FILIP1: variants seen among roughly 807,000 people sequenced by gnomAD.
The protein encoded by FILIP1 is filamin A interacting protein 1.
In FILIP1, 61 loss-of-function variants were observed where a neutral mutation model predicts 102.1. The ratio of observed to expected loss-of-function variants is 0.60; its 90% CI spans 0.49 to 0.74. The LOEUF is 0.74. Ranked by LOEUF, FILIP1 falls within the 30% of genes least tolerant of loss-of-function variation. FILIP1 has a pLI of 0.00. For synonymous variants in FILIP1, 491 were observed against 526.9 expected, an observed-to-expected ratio of 0.93 and a Z score of 0.93; for missense variants, 1,314 against 1,441.2, an observed-to-expected ratio of 0.91 and a Z score of 1.43.
intron 1 of FILIP1, among the ~76,000 whole-genome samples, chr6:75,449,763 T>C (rs1036996618): frequency 2.0e-5 from 3 of 152,140 alleles, no homozygotes; most frequent in African/African-American, 4.8e-5. Context: ...CCAGCTTAAC[T>C]ATCTTAAAGT....
At chr6:75,315,525 T>C (rs1164531751) in intron 4 of FILIP1, among the ~76,000 whole-genome samples, 1 of 152,254 alleles carries the variant, frequency 6.6e-6, no homozygotes, top group East Asian at 1.9e-4. Context: ...TCTTTCTGCA[T>C]ATGTATTATA....
intron 6 of FILIP1, among the ~76,000 whole-genome samples, chr6:75,298,451 TC>T (rs1325140786): frequency 2.6e-5 from 4 of 152,194 alleles, no homozygotes; most frequent in African/African-American, 9.6e-5. Context: ...TCATTTTATT[TC>T]TAGAGATAGT....
intron 1 of FILIP1, among the ~76,000 whole-genome samples, chr6:75,455,848 T>A (rs1452379804): frequency 1.3e-5 from 2 of 152,208 alleles, no homozygotes; most frequent in African/African-American, 2.4e-5. Flanking sequence ...GCTGTGGGCA[T>A]AGGCAGAGTC....
At chr6:75,402,371 A>G (rs577548268) in intron 2 of FILIP1, among the ~76,000 whole-genome samples, 38 of 152,288 alleles carry the variant, frequency 2.5e-4, no homozygotes, top group Admixed American at 9.2e-4. Flanking sequence ...GTTGCCTCCT[A>G]AACTTAGCAA....
intron 1 of FILIP1, among the ~76,000 whole-genome samples, chr6:75,466,615 T>C (rs1188795188): frequency 1.3e-5 from 2 of 152,182 alleles, no homozygotes; most frequent in Non-Finnish European, 2.9e-5. Flanking sequence ...AAATCTGGGA[T>C]TACATTTAAT....
At chr6:75,464,842 T>C (rs1478884136) in intron 1 of FILIP1, among the ~76,000 whole-genome samples, 1 of 152,166 alleles carries the variant, frequency 6.6e-6, no homozygotes, top group Non-Finnish European at 1.5e-5. Context: ...CTGCATCCTT[T>C]TAGTTGCTAG....
At chr6:75,422,724 G>C (rs76258626) in intron 1 of FILIP1, among the ~76,000 whole-genome samples, 1 of 152,278 alleles carries the variant, frequency 6.6e-6, no homozygotes, top group African/African-American at 2.4e-5. Context: ...CCACCTGATA[G>C]ACATTGGTGC....
chr6:75,335,290 T>C (rs1361364031), intron 4 of FILIP1, among the ~76,000 whole-genome samples: 2 of 152,144 alleles, frequency 1.3e-5, no homozygotes, highest in African/African-American at 2.4e-5. Flanking sequence ...ACAAAATATT[T>C]TTACTTGAAT....
chr6:75,383,837 A>T (rs1170421100), intron 2 of FILIP1, among the ~76,000 whole-genome samples: 1 of 152,218 alleles, frequency 6.6e-6, no homozygotes, highest in East Asian at 1.9e-4. Flanking sequence ...GCTCAGTCAC[A>T]TTAACTAATA....
At chr6:75,323,811 T>C (rs1773740030) in intron 4 of FILIP1, among the ~76,000 whole-genome samples, 1 of 151,206 alleles carries the variant, frequency 6.6e-6, no homozygotes, top group Admixed American at 6.6e-5. Flanking sequence ...ATGGACCTGT[T>C]GGTAGGTGAT....
In FILIP1 at chr6:75,377,496, G is replaced by A. The variant is rs185564292; in HGVS notation, c.277-14579C>T. Among the ~76,000 whole-genome samples the A allele has an allele frequency of 1.2e-4, 19 of 152,290 alleles. No individual in the cohort carries two copies. The East Asian group carries it at 3.7e-3, about 29-fold the overall frequency. On this transcript the variant is annotated intron_variant, in intron 2 of 5. Transcript: ENST00000237172. ...ATACGTGATGCTCTGCGATTTGAGT[G>A]AGCATAAAATTTCTAGACCTGCCAT...
intron 4 of FILIP1, among the ~76,000 whole-genome samples, chr6:75,351,269 G>T (rs1774796116): frequency 6.6e-6 from 1 of 152,092 alleles, no homozygotes; most frequent in Non-Finnish European, 1.5e-5. Context: ...CACCATGTTG[G>T]CCAGGCTGCT....
intron 2 of FILIP1, among the ~76,000 whole-genome samples, chr6:75,383,996 G>A (rs1311315630): frequency 6.6e-6 from 1 of 152,100 alleles, no homozygotes; most frequent in African/African-American, 2.4e-5. Context: ...AGAATGGAAA[G>A]GTCAAGGAGA....
At chr6:75,487,016 G>A (rs945568322) in intron 1 of FILIP1, among the ~76,000 whole-genome samples, 1 of 151,962 alleles carries the variant, frequency 6.6e-6, no homozygotes, top group African/African-American at 2.4e-5. Context: ...AGACCAGAAC[G>A]AACAACAGGC....
At chr6:75,385,239 A>G (rs1278419617) in intron 2 of FILIP1, among the ~76,000 whole-genome samples, 1 of 152,174 alleles carries the variant, frequency 6.6e-6, no homozygotes, top group Non-Finnish European at 1.5e-5. Context: ...CCATTATGCT[A>G]AATCACTAGT....
chr6:75,397,543 C>T (rs1286180991), intron 2 of FILIP1, among the ~76,000 whole-genome samples: 2 of 13,134 alleles, frequency 1.5e-4, no homozygotes, highest in Admixed American at 4.2e-4. Flanking sequence ...ATAAGACACA[C>T]ACACACACAC....
intron 2 of FILIP1, among the ~76,000 whole-genome samples, chr6:75,376,201 T>C (rs931810547): frequency 6.6e-6 from 1 of 152,172 alleles, no homozygotes; most frequent in African/African-American, 2.4e-5. Context: ...TGATATAGAC[T>C]CAGAGCTAGT....
chr6:75,345,909 C>A (rs1294069616), intron 4 of FILIP1, among the ~76,000 whole-genome samples: 2 of 152,142 alleles, frequency 1.3e-5, no homozygotes, highest in African/African-American at 4.8e-5. Flanking sequence ...CATTAGGGTT[C>A]TTTCTGGTCC....
chr6:75,479,682 A>G lies in FILIP1; in HGVS notation c.-7+13732T>C, dbSNP rs370676526. 2.6e-5 allele frequency among the ~76,000 whole-genome samples: 4 copies of G among 151,886 alleles called. No individual in the cohort carries two copies. In the East Asian group the frequency reaches 5.8e-4, roughly 22 times the overall value. On this transcript the variant is annotated intron_variant, in intron 1 of 5. Transcript: ENST00000237172. ...TCAGGAGTTCAAGACCAGTCAGGTC[A>G]ACATGGTGAAACCCAATCTCTACTA...
Sources: allele counts gnomAD v4.1 joint callset (sites outside exome capture counted in the v4.1 genomes callset), GRCh38; gene constraint gnomAD v4.1.1; transcripts MANE v1.5; gene names NCBI Gene and HGNC (gene_info 2026-07-23, HGNC 2026-07-21).